DTWD1: variants seen among roughly 807,000 people sequenced by gnomAD.
DTWD1 encodes tRNA-uridine aminocarboxypropyltransferase 1.
In DTWD1, 27 loss-of-function variants were observed where a neutral mutation model predicts 30.2. That is an observed-to-expected ratio of 0.90 (90% confidence interval 0.66 to 1.23). DTWD1 has a LOEUF of 1.23. Ranked by LOEUF, DTWD1 falls within the 50% of genes most tolerant of loss-of-function variation. The pLI is 0.00. For missense variants in DTWD1, 342 were observed against 348.8 expected, an observed-to-expected ratio of 0.98 and a Z score of 0.15; for synonymous variants, 99 against 113.1, an observed-to-expected ratio of 0.88 and a Z score of 0.79.
intron 2 of DTWD1, among the ~76,000 whole-genome samples, chr15:49,628,310 T>G (rs908082472): frequency 6.6e-6 from 1 of 152,202 alleles, no homozygotes; most frequent in African/African-American, 2.4e-5. Context: ...TAACATTTCT[T>G]TTTTCTAATT....
At chr15:49,630,471 G>T (rs2067049989) in intron 2 of DTWD1, among the ~76,000 whole-genome samples, 1 of 152,076 alleles carries the variant, frequency 6.6e-6, no homozygotes, top group Non-Finnish European at 1.5e-5. Context: ...CTGAAGTCAA[G>T]AACACATCTC....
intron 3 of DTWD1, among the ~76,000 whole-genome samples, chr15:49,633,833 G>A (rs72731121): frequency 0.046 from 7,024 of 152,182 alleles, 229 homozygotes; most frequent in Middle Eastern, 0.071. Context: ...TCAGACATTG[G>A]AAGCTCTAAC....
chr15:49,636,307 C>T (rs865863598), intron 4 of DTWD1, among the ~76,000 whole-genome samples: 39 of 149,010 alleles, frequency 2.6e-4, no homozygotes, highest in African/African-American at 2.2e-4. Context: ...AATAAAGTTG[C>T]TATGACACTT....
At chr15:49,628,318 A>G (rs536819427) in intron 2 of DTWD1, among the ~76,000 whole-genome samples, 45 of 152,296 alleles carry the variant, frequency 3.0e-4, no homozygotes, top group Non-Finnish European at 4.3e-4. Context: ...CTTTTTTCTA[A>G]TTAGGATGAG....
rs1439412776 is a variant in DTWD1, at chr15:49,653,123, C to G, written c.*9545C>G. On this transcript the variant is annotated 3_prime_UTR_variant, in exon 5 of 5. Transcript: ENST00000403028. ...TATCAGGAGTGGGGTGTTACCATAACAAAAGGTTAAACCTTACATGGTAAA... is the reference window on the plus strand; with the variant it reads ...TATCAGGAGTGGGGTGTTACCATAAGAAAAGGTTAAACCTTACATGGTAAA... 6.6e-6 allele frequency: 1 copy of G among 152,030 alleles called. No individual in the cohort carries two copies. Among genetic ancestry groups the G allele is most frequent in the African/African-American group, 2.4e-5 (1 of 41,390 alleles). 9.4% of individuals were successfully genotyped at this position (152,030 alleles called of 1,614,324 possible).
chr15:49,626,719 C>T, intron 2 of DTWD1: 1 of 434,472 alleles, frequency 2.3e-6, no homozygotes, highest in South Asian at 1.6e-5. Flanking sequence ...AGTACTTTGA[C>T]ACTCATATTT....
intron 4 of DTWD1, among the ~76,000 whole-genome samples, chr15:49,642,959 G>T (rs1254591601): frequency 6.6e-6 from 1 of 151,988 alleles, no homozygotes; most frequent in Non-Finnish European, 1.5e-5. Flanking sequence ...TCAAGGAAAT[G>T]AAACCCTTCT....
intron 4 of DTWD1, among the ~76,000 whole-genome samples, chr15:49,639,426 G>A (rs555577486): frequency 1.3e-5 from 2 of 152,212 alleles, no homozygotes; most frequent in East Asian, 1.9e-4. Flanking sequence ...GCAAGGCGTG[G>A]TAGTGTGCAC....
At chr15:49,639,064 C>A (rs892526876) in intron 4 of DTWD1, among the ~76,000 whole-genome samples, 1 of 152,078 alleles carries the variant, frequency 6.6e-6, no homozygotes, top group African/African-American at 2.4e-5. Context: ...AAAGTGATAA[C>A]TTTATTCATA....
chr15:49,653,201 C>T lies in DTWD1; in HGVS notation c.*9623C>T, dbSNP rs1048356276. On this transcript the variant is annotated 3_prime_UTR_variant, in exon 5 of 5. Coordinates refer to ENST00000403028, the MANE Select transcript of DTWD1 (RefSeq NM_001144955.2). ...AGCACTTTGAAATGTAGAGATTATC[C>T]TGAATTATCTAGGTAGGCTCAATAT... The T allele has an allele frequency of 6.6e-6, 1 of 151,986 alleles. No homozygotes were observed. Among genetic ancestry groups the T allele is most frequent in the African/African-American group, 2.4e-5 (1 of 41,382 alleles). The allele number at this position is 151,986 out of a possible 1,614,324, so 9.4% of individuals were successfully genotyped here.
intron 4 of DTWD1, among the ~76,000 whole-genome samples, chr15:49,636,719 A>G (rs1286868870): frequency 2.0e-5 from 3 of 152,176 alleles, no homozygotes; most frequent in Non-Finnish European, 2.9e-5. Context: ...ATAATTATTA[A>G]TAACATGTAA....
chr15:49,636,178 A>G (rs1340650045), intron 4 of DTWD1, among the ~76,000 whole-genome samples: 1 of 152,186 alleles, frequency 6.6e-6, no homozygotes, highest in East Asian at 1.9e-4. Context: ...GCATGTATCA[A>G]TAGGTCATAC....
rs1190348148 is a variant in DTWD1 at position 49,633,067 on chromosome 15, A to ATATATATATATG, written c.408+768_408+769insATATATATGTAT. On this transcript the variant is annotated intron_variant, in intron 3 of 4. Coordinates refer to ENST00000403028, the MANE Select transcript of DTWD1 (RefSeq NM_001144955.2). ...TCTATATCTATATATATATATATAT[A>ATATATATATATG]TATGTATTTTTTTGGTTGAGTTTAT... Among the ~76,000 whole-genome samples, 396 of 144,756 alleles carry ATATATATATATG rather than the reference A, an allele frequency of 2.7e-3. 3 individuals are homozygous for ATATATATATATG. The highest frequency in any genetic ancestry group is 7.6e-3 in the Admixed American group (110 of 14,476). 95.0% of individuals were successfully genotyped at this position (144,756 alleles called of 152,430 possible). A position where few individuals can be genotyped will look rare whatever the true frequency, so the allele number is the denominator to read the frequency against.
intron 3 of DTWD1, chr15:49,633,445 A>G (rs1310420699): frequency 6.5e-6 from 1 of 153,466 alleles, no homozygotes; most frequent in Admixed American, 6.5e-5. Context: ...AGCAATCCCC[A>G]TACCTCAGGC....
rs992402064 is a variant in DTWD1 at position 49,654,177 on chromosome 15, A to G, written c.*10599A>G. ...AACAGTAACTGAGGAAGTTTATTGT[A>G]TCTGGACATGGTTTAGATGATAAGA... On this transcript the variant is annotated 3_prime_UTR_variant, in exon 5 of 5. Transcript: ENST00000403028. 1.3e-5 allele frequency: 2 copies of G among 152,134 alleles called. No individual in the cohort carries two copies. The highest frequency in any genetic ancestry group is 2.4e-5 in the African/African-American group (1 of 41,444). The allele number at this position is 152,134 out of a possible 1,614,324, so 9.4% of individuals were successfully genotyped here.
chr15:49,650,564 G>C lies in DTWD1; in HGVS notation c.*6986G>C, dbSNP rs906778247. ...ATGTGCTGCCTATATCCCCCTTCTAGGAAGGACTTGCTAATTAGCTGCAGG... is the reference window on the plus strand; with the variant it reads ...ATGTGCTGCCTATATCCCCCTTCTACGAAGGACTTGCTAATTAGCTGCAGG... On this transcript the variant is annotated 3_prime_UTR_variant, in exon 5 of 5. Transcript: ENST00000403028. 1 of 152,078 alleles carries C rather than the reference G, an allele frequency of 6.6e-6. No homozygotes were observed. The highest frequency in any genetic ancestry group is 2.4e-5 in the African/African-American group (1 of 41,404). 9.4% of individuals were successfully genotyped at this position (152,078 alleles called of 1,614,324 possible). A position where few individuals can be genotyped will look rare whatever the true frequency, so the allele number is the denominator to read the frequency against.
intron 2 of DTWD1, 46 bp downstream of exon 2, chr15:49,625,477 T>A (rs766778629): frequency 2.0e-6 from 3 of 1,514,864 alleles, no homozygotes; most frequent in East Asian, 2.3e-5. Context: ...ATAGATTTTT[T>A]AAAAACATCT....
chr15:49,632,532 T>G (rs2078936945), intron 3 of DTWD1, among the ~76,000 whole-genome samples: 1 of 152,236 alleles, frequency 6.6e-6, no homozygotes, highest in African/African-American at 2.4e-5. Context: ...CTCTTCTGCC[T>G]TATTTCTTCA....
intron 2 of DTWD1, among the ~76,000 whole-genome samples, chr15:49,630,481 C>G (rs1237550261): frequency 6.6e-6 from 1 of 152,040 alleles, no homozygotes; most frequent in Non-Finnish European, 1.5e-5. Flanking sequence ...GAACACATCT[C>G]CAGAGGGTTT....
Sources: allele counts gnomAD v4.1 joint callset (sites outside exome capture counted in the v4.1 genomes callset), GRCh38; gene constraint gnomAD v4.1.1; transcripts MANE v1.5; gene names NCBI Gene and HGNC (gene_info 2026-07-23, HGNC 2026-07-21).